NCKAP5: variants seen among roughly 807,000 people sequenced by gnomAD.
NCKAP5 encodes the protein NCK associated protein 5.
Under a neutral mutation model 167.0 loss-of-function variants are expected in NCKAP5, and 92 were observed. The ratio of observed to expected loss-of-function variants is 0.55; its 90% CI spans 0.47 to 0.66. The LOEUF (loss-of-function observed/expected upper bound fraction) is 0.66, where lower values mean the gene tolerates loss of function less well. Ranked by LOEUF, NCKAP5 falls within the 30% of genes least tolerant of loss-of-function variation. NCKAP5 has a pLI of 0.00. For missense variants in NCKAP5, 2,378 were observed against 2,315.0 expected, an observed-to-expected ratio of 1.03 and a Z score of -0.56; for synonymous variants, 891 against 877.4, an observed-to-expected ratio of 1.02 and a Z score of -0.27.
intron 3 of NCKAP5, among the ~76,000 whole-genome samples, chr2:133,446,218 TAGA>T (rs1028708316): frequency 1.3e-5 from 2 of 152,162 alleles, no homozygotes; most frequent in Admixed American, 1.3e-4. Flanking sequence ...TGACAATTTC[TAGA>T]AGGTTGAAGG....
At chr2:132,950,008 C>T (rs184439602) in intron 8 of NCKAP5, among the ~76,000 whole-genome samples, 33 of 152,192 alleles carry the variant, frequency 2.2e-4, no homozygotes, top group Non-Finnish European at 3.8e-4. Flanking sequence ...GCAGGAGAAT[C>T]GCTGGAAACT....
In NCKAP5 at chr2:132,676,274, T is replaced by G. The variant is rs1684454819; in HGVS notation, c.5714-2969A>C. ...GTTTGAGTTTCTGAGCTAGGGATGTTGTTTTATCCTTTTTTTTTTTTTTTT... is the reference window on the plus strand; with the variant it reads ...GTTTGAGTTTCTGAGCTAGGGATGTGGTTTTATCCTTTTTTTTTTTTTTTT... On this transcript the variant is annotated intron_variant, in intron 19 of 19. Coordinates refer to ENST00000409261, the MANE Select transcript of NCKAP5 (RefSeq NM_207363.3). Among the ~76,000 whole-genome samples, 2 of 150,744 alleles carry G rather than the reference T, an allele frequency of 1.3e-5. 1 individual carries two copies. Among genetic ancestry groups the G allele is most frequent in the South Asian group, 4.2e-4 (2 of 4,790 alleles).
chr2:133,578,866 T>C, the NCKAP5 span, among the ~76,000 whole-genome samples: 2 of 152,302 alleles, frequency 1.3e-5, no homozygotes, highest in Middle Eastern at 3.4e-3. Flanking sequence ...ATCTGTTTGT[T>C]CTTAGATAAC....
intron 8 of NCKAP5, among the ~76,000 whole-genome samples, chr2:132,927,364 A>T (rs772557182): frequency 7.1e-6 from 1 of 140,860 alleles, no homozygotes; most frequent in Non-Finnish European, 1.5e-5. Context: ...TTGGTTCCAT[A>T]TTACTTTTAG....
chr2:133,099,634 C>A (rs1274933493), intron 6 of NCKAP5, among the ~76,000 whole-genome samples: 2 of 152,108 alleles, frequency 1.3e-5, no homozygotes, highest in African/African-American at 4.8e-5. Context: ...AAAATGCCTA[C>A]CAAATGATCA....
intron 7 of NCKAP5, among the ~76,000 whole-genome samples, chr2:132,989,293 A>T (rs2077385355): frequency 6.6e-6 from 1 of 152,142 alleles, no homozygotes; most frequent in Non-Finnish European, 1.5e-5. Context: ...GCCCCCTTTC[A>T]TGTCTAATTG....
intron 8 of NCKAP5, among the ~76,000 whole-genome samples, chr2:132,893,343 G>T (rs1487148087): frequency 6.6e-6 from 1 of 152,188 alleles, no homozygotes; most frequent in Non-Finnish European, 1.5e-5. Flanking sequence ...ATATACCAGG[G>T]TGGGTGTACA....
At chr2:133,595,331 TCTC>T in the NCKAP5 span, among the ~76,000 whole-genome samples, 1 of 151,804 alleles carries the variant, frequency 6.6e-6, no homozygotes, top group African/African-American at 2.4e-5. Flanking sequence ...CACCTCTCCT[TCTC>T]CTCTTCCAAT....
rs148478687 is a variant in NCKAP5, at chr2:133,221,687, T to C, written c.144-7908A>G. On this transcript the variant is annotated intron_variant, in intron 4 of 19. Transcript: ENST00000409261. The stretch of plus-strand genomic sequence containing the variant: ...TAAAACATGGTAGGTGGCTATTTTA[T>C]CAAAAGATCAAATCTGAACTTCCTT... Among the ~76,000 whole-genome samples, 133 of 152,370 alleles carry C rather than the reference T, an allele frequency of 8.7e-4. 1 individual carries two copies. Among genetic ancestry groups the C allele is most frequent in the African/African-American group, 3.0e-3 (123 of 41,588 alleles).
At chr2:133,434,675 T>C (rs1241345284) in intron 3 of NCKAP5, among the ~76,000 whole-genome samples, 1 of 152,260 alleles carries the variant, frequency 6.6e-6, no homozygotes, top group African/African-American at 2.4e-5. Flanking sequence ...TATGAACATC[T>C]TAAGAGTAGT....
intron 19 of NCKAP5, among the ~76,000 whole-genome samples, chr2:132,705,995 T>C (rs1486403223): frequency 2.0e-5 from 3 of 152,088 alleles, no homozygotes; most frequent in Non-Finnish European, 4.4e-5. Flanking sequence ...AATAAGCATA[T>C]ACATGGAGAC....
intron 3 of NCKAP5, among the ~76,000 whole-genome samples, chr2:133,405,433 A>C (rs1688362625): frequency 6.6e-6 from 1 of 152,204 alleles, no homozygotes. Context: ...CATCAACCAA[A>C]AGCACAAAAA....
chr2:132,810,976 G>T (rs1300557055), intron 11 of NCKAP5, among the ~76,000 whole-genome samples: 1 of 152,156 alleles, frequency 6.6e-6, no homozygotes, highest in African/African-American at 2.4e-5. Flanking sequence ...CCTTGATGTA[G>T]TACTCTCCCC....
At chr2:132,710,362 C>T (rs1688728624) in intron 19 of NCKAP5, among the ~76,000 whole-genome samples, 1 of 152,182 alleles carries the variant, frequency 6.6e-6, no homozygotes, top group African/African-American at 2.4e-5. Context: ...CTATCACCAC[C>T]AATTTAACTC....
At chr2:132,771,839 A>ATTTTTTTTTTTTTTTTT (rs70973406) in intron 16 of NCKAP5, among the ~76,000 whole-genome samples, 4 of 100,804 alleles carry the variant, frequency 4.0e-5, no homozygotes, top group East Asian at 3.1e-4. Flanking sequence ...CGCCCGGCTA[A>ATTTTTTTTTTTTTTTTT]TTTTTTTTTT....
At chr2:133,083,351 A>G (rs1209969177) in intron 6 of NCKAP5, among the ~76,000 whole-genome samples, 1 of 152,118 alleles carries the variant, frequency 6.6e-6, no homozygotes, top group African/African-American at 2.4e-5. Flanking sequence ...TTGCTCAGCA[A>G]TGGCCTATCT....
At chr2:132,764,971 C>T (rs1028894334) in intron 16 of NCKAP5, among the ~76,000 whole-genome samples, 30 of 152,102 alleles carry the variant, frequency 2.0e-4, no homozygotes, top group African/African-American at 5.8e-4. Context: ...AGATAATTAT[C>T]GGGACTTTAA....
intron 6 of NCKAP5, among the ~76,000 whole-genome samples, chr2:133,066,863 A>C (rs2080216706): frequency 6.6e-6 from 1 of 152,200 alleles, no homozygotes; most frequent in Admixed American, 6.5e-5. Context: ...AGTGGCATCT[A>C]TATTTCCTCC....
At chr2:133,548,603 C>A (rs1686973495) in intron 2 of NCKAP5, among the ~76,000 whole-genome samples, 1 of 151,714 alleles carries the variant, frequency 6.6e-6, no homozygotes, top group Non-Finnish European at 1.5e-5. Context: ...AATTTTCAAC[C>A]CAGAATTTCA....
Sources: gnomAD v4.1 joint callset for allele counts (sites outside exome capture counted in the v4.1 genomes callset) on GRCh38, gnomAD v4.1.1 for gene constraint, MANE v1.5 for transcripts, NCBI Gene and HGNC (gene_info 2026-07-23, HGNC 2026-07-21) for gene names.